The following PAK3 variants were observed in gnomAD, a reference collection of about 807,000 sequenced individuals.
PAK3 encodes the protein p21 (RAC1) activated kinase 3, also known as serine/threonine-protein kinase PAK 3.
PAK3 carries 4 observed loss-of-function variants against 41.0 expected under a neutral mutation model. The ratio of observed to expected loss-of-function variants is 0.10; its 90% CI spans 0.05 to 0.22. The LOEUF (loss-of-function observed/expected upper bound fraction) is 0.22, where lower values mean the gene tolerates loss of function less well. PAK3 is among the 10% of genes least tolerant of loss of function. PAK3 has a pLI of 1.00. For synonymous variants in PAK3, 146 were observed against 139.6 expected (o/e 1.05, Z -0.32); for missense variants, 205 against 409.9 (o/e 0.50, Z 4.32).
At chrX:111,178,980 T>TATATATAGAGAG (rs1211051270) in intron 11 of PAK3, among the ~76,000 whole-genome samples, 1 of 91,613 alleles carries the variant, frequency 1.1e-5, no homozygotes, top group African/African-American at 4.0e-5. Context: ...TATATATATA[T>TATATATAGAGAG]AGAGAGAGAG....
At chrX:111,063,265 G>A (rs866888291) in intron 1 of PAK3, among the ~76,000 whole-genome samples, 2 of 112,359 alleles carry the variant, frequency 1.8e-5, no homozygotes, top group Non-Finnish European at 3.8e-5. Flanking sequence ...CTCAGTGGGA[G>A]AGAGGACAAA....
chrX:110,953,319 A>G (rs1056993042), intron 1 of PAK3, among the ~76,000 whole-genome samples: 1 of 111,834 alleles, frequency 8.9e-6, no homozygotes, highest in African/African-American at 3.3e-5. Flanking sequence ...ACCCTGAACT[A>G]GAGCTTAAAT....
At chrX:111,031,381 C>T (rs2092338905) in intron 1 of PAK3, among the ~76,000 whole-genome samples, 1 of 111,528 alleles carries the variant, frequency 9.0e-6, no homozygotes, top group East Asian at 2.8e-4. Flanking sequence ...GAAAAGGAAA[C>T]AAATGAAGGG....
At chrX:111,040,035 GA>G (rs972004486) in intron 1 of PAK3, among the ~76,000 whole-genome samples, 2 of 101,674 alleles carry the variant, frequency 2.0e-5, no homozygotes, top group African/African-American at 7.3e-5. Context: ...AAGAAAGAAA[GA>G]AAAAAAAATG....
At chrX:111,007,652 C>T (rs2091952462) in intron 1 of PAK3, among the ~76,000 whole-genome samples, 1 of 111,957 alleles carries the variant, frequency 8.9e-6, no homozygotes, top group Admixed American at 9.4e-5. Flanking sequence ...ACTTGGAGGA[C>T]CCTGCTTCCA....
chrX:111,195,916 C>T lies in PAK3; in HGVS notation c.1185C>T (p.Leu395=), dbSNP rs150174049. 2,105 of 1,145,463 alleles carry T rather than the reference C, an allele frequency of 1.8e-3. 18 individuals carry two copies. In the African/African-American group the frequency reaches 0.031, roughly 17 times the overall value. 94.4% of individuals were successfully genotyped at this position (1,145,463 alleles called of 1,213,427 possible). A position where few individuals can be genotyped will look rare whatever the true frequency, so the allele number is the denominator to read the frequency against. Residue 395 remains leucine, a synonymous_variant, in exon 15 of 18, where the codon CTC becomes CTT. Transcript: ENST00000372007. The part of the protein sequence containing the change: ...HRDIKSDNIL[L]GMDGSVKLTD... ...ATATAAAGAGTGACAATATTCTTCT[C>T]GGGATGGATGGCTCTGTTAAATTGA...
At chrX:111,028,461 G>A (rs1257007973) in intron 1 of PAK3, among the ~76,000 whole-genome samples, 4 of 110,883 alleles carry the variant, frequency 3.6e-5, no homozygotes, top group Non-Finnish European at 5.7e-5. Context: ...GATTAAAATG[G>A]TAAATTTATT....
At chrX:111,161,823 G>C (rs1035203645) in intron 8 of PAK3, among the ~76,000 whole-genome samples, 1 of 111,075 alleles carries the variant, frequency 9.0e-6, no homozygotes, top group Non-Finnish European at 1.9e-5. Flanking sequence ...CCATTGGTCT[G>C]TATCTCTGTT....
At chrX:111,204,941 ATTTTTT>A (rs775428482) in intron 16 of PAK3, among the ~76,000 whole-genome samples, 7 of 32,485 alleles carry the variant, frequency 2.2e-4, no homozygotes, top group African/African-American at 1.1e-3. Context: ...TCATCAGCAC[ATTTTTT>A]TTTTTTTTTT....
chrX:111,034,937 C>G (rs2092378561), intron 1 of PAK3, among the ~76,000 whole-genome samples: 1 of 107,604 alleles, frequency 9.3e-6, no homozygotes, highest in Non-Finnish European at 1.9e-5. Flanking sequence ...GAAATCCCAT[C>G]TCTACCAAAA....
In PAK3 at chrX:110,954,218, G is replaced by C. The variant is rs908767209; in HGVS notation, c.-28+9590G>C. On this transcript the variant is annotated intron_variant, in intron 1 of 14. Coordinates refer to the PAK3 transcript ENST00000425146. ...AGCCCTTCACTTCATTATGGGAGTA[G>C]TTGGAGCTAGGGAAATGCTTCTCTA... 1.4e-4 allele frequency among the ~76,000 whole-genome samples: 16 copies of C among 112,237 alleles called. No homozygotes were observed. In the Admixed American group the frequency reaches 1.5e-3, roughly 11 times the overall value.
chrX:111,079,235 A>T (rs2092813537), intron 1 of PAK3, among the ~76,000 whole-genome samples: 1 of 112,197 alleles, frequency 8.9e-6, no homozygotes, highest in African/African-American at 3.2e-5. Flanking sequence ...ATGCCATCTA[A>T]GGACTTTCAT....
At chrX:111,121,536 G>A (rs775037397) in intron 4 of PAK3, among the ~76,000 whole-genome samples, 2 of 111,605 alleles carry the variant, frequency 1.8e-5, no homozygotes, top group African/African-American at 6.5e-5. Flanking sequence ...ACCACTAAAG[G>A]GCCGGAAAGC....
intron 1 of PAK3, among the ~76,000 whole-genome samples, chrX:111,017,862 G>A (rs901886722): frequency 9.0e-6 from 1 of 110,967 alleles, no homozygotes; most frequent in African/African-American, 3.3e-5. Flanking sequence ...GAATTCAATA[G>A]CATATTAAAA....
rs750840867 is a variant in PAK3, at chrX:111,073,055, C to G, written c.-27-50022C>G. ...GTGTAGCTGGGAGCACTTCAGAATC[C>G]ATACTCCCCCACAGTCTAGCGGGGG... is the stretch of plus-strand genomic sequence containing the variant. On this transcript the variant is annotated intron_variant, in intron 1 of 14. Coordinates refer to the PAK3 transcript ENST00000425146. Among the ~76,000 whole-genome samples, 24 of 111,381 alleles carry G rather than the reference C, an allele frequency of 2.2e-4. No homozygotes were observed. The East Asian group carries it at 2.6e-3, about 12-fold the overall frequency.
At chrX:111,004,136 A>C (rs145510914) in intron 1 of PAK3, among the ~76,000 whole-genome samples, 2,205 of 112,370 alleles carry the variant, frequency 0.02, 22 homozygotes, top group Middle Eastern at 0.046. Context: ...TGTTTGGAGC[A>C]CTGGCAATAG....
At chrX:111,038,139 G>A (rs747394194) in intron 1 of PAK3, among the ~76,000 whole-genome samples, 3 of 112,171 alleles carry the variant, frequency 2.7e-5, no homozygotes, top group Admixed American at 9.4e-5. Context: ...AAAGCATCAG[G>A]CATGGAATAA....
At chrX:110,973,648 T>G (rs2091260115) in intron 1 of PAK3, among the ~76,000 whole-genome samples, 1 of 112,048 alleles carries the variant, frequency 8.9e-6, no homozygotes, top group African/African-American at 3.3e-5. Flanking sequence ...ATGAAGAAAC[T>G]GCATCAATTA....
intron 1 of PAK3, among the ~76,000 whole-genome samples, chrX:111,079,758 A>G (rs2092818650): frequency 8.9e-6 from 1 of 112,344 alleles, no homozygotes; most frequent in Non-Finnish European, 1.9e-5. Flanking sequence ...CTTCTGGAAA[A>G]TATTCACCAT....
Sources: allele counts gnomAD v4.1 joint callset (sites outside exome capture counted in the v4.1 genomes callset), GRCh38; gene constraint gnomAD v4.1.1; transcripts MANE v1.5; gene names NCBI Gene and HGNC (gene_info 2026-07-23, HGNC 2026-07-21).